The following HDGFL1 variants were observed in gnomAD, a reference collection of about 807,000 sequenced individuals.
The protein encoded by HDGFL1 is hepatoma-derived growth factor-like protein 1.
For synonymous variants in HDGFL1, 190 were observed against 165.1 expected (o/e 1.15, Z -1.16); for missense variants, 422 against 365.3 (o/e 1.16, Z -1.27).
At position 22,569,667 on chromosome 6, in the gene HDGFL1, A is replaced by G. The variant is rs760066425; in HGVS notation, c.92A>G (p.His31Arg). The part of the protein sequence containing the change: ...GYAHWPARIE[H>R]MTQPNRYQVF... ...GCCCACTGGCCGGCGAGGATAGAGC[A>G]CATGACCCAGCCCAACCGCTACCAG... Residue 31 changes from histidine to arginine, a missense_variant, in exon 1 of 1, where the codon CAC (histidine) becomes CGC (arginine). Physicochemically the swap from His to Arg is conservative, Grantham distance 29. Coordinates refer to ENST00000510882, the MANE Select transcript of HDGFL1 (RefSeq NM_138574.4). 4 of 1,614,060 alleles carry G rather than the reference A, an allele frequency of 2.5e-6. No homozygotes were observed. The highest frequency in any genetic ancestry group is 3.4e-6 in the Non-Finnish European group (4 of 1,180,034).
chr6:22,570,076 A>AGAG lies in HDGFL1; in HGVS notation c.509_511dup (p.Glu170dup). 1 of 1,541,148 alleles carries AGAG rather than the reference A, an allele frequency of 6.5e-7. No individual in the cohort carries two copies. Among genetic ancestry groups the AGAG allele is most frequent in the Non-Finnish European group, 8.7e-7 (1 of 1,144,168 alleles). ...GACCCAAGGAGGCAGCCCCCGACCA[A>AGAG]GAGGAGGAGGCGGAGGCGGAGAGGG... is the stretch of plus-strand genomic sequence containing the variant. On this transcript the variant is annotated inframe_insertion, in exon 1 of 1. Transcript: ENST00000510882.
rs1487149445 is a variant in HDGFL1, at chr6:22,570,287, T to C, written c.712T>C (p.Trp238Arg). The C allele has an allele frequency of 6.0e-6, 9 of 1,509,216 alleles. No homozygotes were observed. Among genetic ancestry groups the C allele is most frequent in the Non-Finnish European group, 7.9e-6 (9 of 1,135,790 alleles). 93.5% of individuals were successfully genotyped at this position (1,509,216 alleles called of 1,614,324 possible). A position where few individuals can be genotyped will look rare whatever the true frequency, so the allele number is the denominator to read the frequency against. The part of the protein sequence containing the change: ...EVADEEASQE[W>R]HAEAPGGGDR... The stretch of plus-strand genomic sequence containing the variant: ...CGCGGACGAGGAGGCCTCCCAGGAG[T>C]GGCATGCCGAGGCACCGGGCGGCGG... Residue 238 changes from tryptophan to arginine, a missense_variant, in exon 1 of 1, where the codon TGG becomes CGG. Transcript: ENST00000510882.
the HDGFL1 span, chr6:22,570,171 T>TG: frequency 6.4e-7 from 1 of 1,560,088 alleles, no homozygotes; most frequent in Non-Finnish European, 8.6e-7. Context: ...CCGTTCCTCG[T>TG]GGCGGTGGAG....
chr6:22,570,060 A>C lies in HDGFL1; in HGVS notation c.485A>C (p.Glu162Ala). The C allele has an allele frequency of 1.9e-6, 3 of 1,545,432 alleles. No homozygotes were observed. The highest frequency in any genetic ancestry group is 2.6e-6 in the Non-Finnish European group (3 of 1,145,382). Reference protein sequence around the residue: ...PPEDAPKRPKEAAPDQEEEAE... With the variant: ...PPEDAPKRPKAAAPDQEEEAE... The stretch of plus-strand genomic sequence containing the variant: ...GAGGACGCCCCCAAACGACCCAAGG[A>C]GGCAGCCCCCGACCAAGAGGAGGAG... The change falls in exon 1 of 1, where the codon GAG (glutamate) becomes GCG (alanine). Residue 162 changes from glutamate (E) to alanine (A), a missense_variant. By Grantham distance (107) the Glu-to-Ala change is moderately radical. Coordinates refer to ENST00000510882, the MANE Select transcript of HDGFL1 (RefSeq NM_138574.4).
In HDGFL1 at chr6:22,570,510, T is replaced by C; in HGVS notation, c.*179T>C. ...GATGGCAGGCCACCTGACTCTCACC[T>C]CTGTGCCCCCACGCCTCTGTGATCT... is the stretch of plus-strand genomic sequence containing the variant. On this transcript the variant is annotated 3_prime_UTR_variant, in exon 1 of 1. Coordinates refer to ENST00000510882, the MANE Select transcript of HDGFL1 (RefSeq NM_138574.4). The C allele has an allele frequency of 1.9e-6, 1 of 519,486 alleles. No individual in the cohort carries two copies. 32.2% of individuals were successfully genotyped at this position (519,486 alleles called of 1,614,324 possible). A position where few individuals can be genotyped will look rare whatever the true frequency, so the allele number is the denominator to read the frequency against.
chr6:22,570,792 AGCAGAGGGCACTT>A lies in HDGFL1; in HGVS notation c.*466_*478del, dbSNP rs1760912355. On this transcript the variant is annotated 3_prime_UTR_variant, in exon 1 of 1. Transcript: ENST00000510882. ...GGAGTGAAAGGCCTGGCAGATAAAG[AGCAGAGGGCACTT>A]GCAGGGCCTGGGATGAGCAGTCTTC... is the stretch of plus-strand genomic sequence containing the variant. The A allele has an allele frequency of 5.8e-6, 1 of 172,840 alleles. No individual in the cohort carries two copies. The highest frequency in any genetic ancestry group is 6.5e-5 in the Admixed American group (1 of 15,388). 10.7% of individuals were successfully genotyped at this position (172,840 alleles called of 1,614,324 possible). A position where few individuals can be genotyped will look rare whatever the true frequency, so the allele number is the denominator to read the frequency against.
rs1368219086 is a variant in HDGFL1 at position 22,570,887 on chromosome 6, C to G, written c.*556C>G. The G allele has an allele frequency of 6.0e-6, 1 of 167,398 alleles. No individual in the cohort carries two copies. Among genetic ancestry groups the G allele is most frequent in the Admixed American group, 6.5e-5 (1 of 15,288 alleles). The allele number at this position is 167,398 out of a possible 1,614,324, so 10.4% of individuals were successfully genotyped here. On this transcript the variant is annotated 3_prime_UTR_variant, in exon 1 of 1. Transcript: ENST00000510882. The stretch of plus-strand genomic sequence containing the variant: ...CATCTTCCTGAGCTCCTGTCCATGC[C>G]TGCCATACCTGCCAGCTTCAGACAT...
Position 22,570,453 on chromosome 6 carries a change from A to T in HDGFL1, c.*122A>T, listed in dbSNP as rs1760905497. On this transcript the variant is annotated 3_prime_UTR_variant, in exon 1 of 1. Transcript: ENST00000510882. The stretch of plus-strand genomic sequence containing the variant: ...CCCTCTCCTCAGCCCGTCCTCCTCC[A>T]ACCCGCGCTCCTTTGCCCTGCCGGG... 9.2e-7 allele frequency: 1 copy of T among 1,084,516 alleles called. No homozygotes were observed. Among genetic ancestry groups the T allele is most frequent in the Non-Finnish European group, 1.2e-6 (1 of 803,988 alleles). The allele number at this position is 1,084,516 out of a possible 1,614,324, so 67.2% of individuals were successfully genotyped here.
chr6:22,569,844 C>G lies in HDGFL1; in HGVS notation c.269C>G (p.Ala90Gly). ...WEIENNPTVQ[A>G]SDCPLASEKG... ...ATCGAGAACAACCCCACGGTCCAGG[C>G]CTCCGACTGCCCATTAGCCTCAGAG... The change falls in exon 1 of 1, where the codon GCC becomes GGC. Residue 90 changes from alanine to glycine, a missense_variant. Ala to Gly is a moderately conservative substitution (Grantham distance 60). Coordinates refer to ENST00000510882, the MANE Select transcript of HDGFL1 (RefSeq NM_138574.4). The G allele has an allele frequency of 6.2e-7, 1 of 1,605,490 alleles. No homozygotes were observed. The highest frequency in any genetic ancestry group is 8.5e-7 in the Non-Finnish European group (1 of 1,176,036).
Position 22,570,241 on chromosome 6 carries a change from G to C in HDGFL1, c.666G>C (p.Glu222Asp). Residue 222 changes from glutamate to aspartate, a missense_variant, in exon 1 of 1, where the codon GAG becomes GAC. Physicochemically the swap from Glu to Asp is conservative, Grantham distance 45. Transcript: ENST00000510882. ...GCGAGCCGCCTCAGCCAGAGGAGGA[G>C]GAGCTCCGGGAGGAAGAAGTCGCGG... ...LVCEPPQPEE[E>D]ELREEEVADE... is the part of the protein sequence containing the mutation. The C allele has an allele frequency of 5.1e-6, 8 of 1,557,946 alleles. No individual in the cohort carries two copies. The highest frequency in any genetic ancestry group is 6.9e-6 in the Non-Finnish European group (8 of 1,158,286).
At position 22,570,109 on chromosome 6, in the gene HDGFL1, A is replaced by AGCGGAGAGGGCGGCGGCGGCG. The variant is rs1554132070; in HGVS notation, c.539_559dup (p.Glu180_Ala186dup). 6.5e-7 allele frequency: 1 copy of AGCGGAGAGGGCGGCGGCGGCG among 1,533,812 alleles called. No homozygotes were observed. Among genetic ancestry groups the AGCGGAGAGGGCGGCGGCGGCG allele is most frequent in the Non-Finnish European group, 8.8e-7 (1 of 1,140,626 alleles). ...AGGCGGAGGCGGAGAGGGCGGCGGA[A>AGCGGAGAGGGCGGCGGCGGCG]GCGGAGAGGGCGGCGGCGGCGGCGG... is the stretch of plus-strand genomic sequence containing the variant. On this transcript the variant is annotated inframe_insertion, in exon 1 of 1. Coordinates refer to ENST00000510882, the MANE Select transcript of HDGFL1 (RefSeq NM_138574.4).
In HDGFL1 at chr6:22,569,861, G is replaced by A. The variant is rs1760883066; in HGVS notation, c.286G>A (p.Ala96Thr). 2 of 1,598,600 alleles carry A rather than the reference G, an allele frequency of 1.3e-6. No homozygotes were observed. The highest frequency in any genetic ancestry group is 1.7e-6 in the Non-Finnish European group (2 of 1,172,632). ...PTVQASDCPLASEKGSGDGPW... is the reference protein window; with the variant it reads ...PTVQASDCPLTSEKGSGDGPW... ...GGTCCAGGCCTCCGACTGCCCATTAGCCTCAGAGAAGGGCAGCGGAGACGG... is the reference window on the plus strand; with the variant it reads ...GGTCCAGGCCTCCGACTGCCCATTAACCTCAGAGAAGGGCAGCGGAGACGG... The change falls in exon 1 of 1, where the codon GCC becomes ACC. Residue 96 changes from alanine (A) to threonine (T), a missense_variant. Coordinates refer to ENST00000510882, the MANE Select transcript of HDGFL1 (RefSeq NM_138574.4).
In HDGFL1 at chr6:22,570,343, TC is replaced by T; in HGVS notation, c.*14del. 1.4e-6 allele frequency: 2 copies of T among 1,447,980 alleles called. No homozygotes were observed. Among genetic ancestry groups the T allele is most frequent in the South Asian group, 3.0e-5 (2 of 67,430 alleles). 89.7% of individuals were successfully genotyped at this position (1,447,980 alleles called of 1,614,324 possible). The stretch of plus-strand genomic sequence containing the variant: ...GCGACAGCCTGTAGTTACCAGCGTT[TC>T]CAGAAGAGCCCCTGCCCCGTTCCTG... On this transcript the variant is annotated 3_prime_UTR_variant, in exon 1 of 1. Transcript: ENST00000510882.
Position 22,569,921 on chromosome 6 carries a change from G to C in HDGFL1, c.346G>C (p.Glu116Gln), listed in dbSNP as rs1338706258. 1 of 1,554,950 alleles carries C rather than the reference G, an allele frequency of 6.4e-7. No homozygotes were observed. Among genetic ancestry groups the C allele is most frequent in the Non-Finnish European group, 8.7e-7 (1 of 1,149,900 alleles). ...GGAGCCCGAGGCCGCAGAGGGCGAC[G>C]AGGACAAGCCGACCCACGCTGGTGG... ...WPEPEAAEGD[E>Q]DKPTHAGGGG... Residue 116 changes from glutamate to glutamine, a missense_variant, in exon 1 of 1, where the codon GAG becomes CAG. Transcript: ENST00000510882.
At position 22,569,821 on chromosome 6, in the gene HDGFL1, C is replaced by A. The variant is rs368675343; in HGVS notation, c.246C>A (p.Ile82=). 2 of 1,612,614 alleles carry A rather than the reference C, an allele frequency of 1.2e-6. No individual in the cohort carries two copies. Among genetic ancestry groups the A allele is most frequent in the Non-Finnish European group, 1.7e-6 (2 of 1,179,414 alleles). Reference sequence around the variant, plus strand: ...GCTTCAGCGCGGGGCTGTGGGAAATCGAGAACAACCCCACGGTCCAGGCCT... The same window carrying A: ...GCTTCAGCGCGGGGCTGTGGGAAATAGAGAACAACCCCACGGTCCAGGCCT... ...RRGFSAGLWE[I]ENNPTVQASD... The change falls in exon 1 of 1, where the codon ATC becomes ATA. Residue 82 remains isoleucine, a synonymous_variant. Transcript: ENST00000510882.
In HDGFL1 at chr6:22,569,875, C is replaced by G. The variant is rs763767549; in HGVS notation, c.300C>G (p.Gly100=). 5 of 1,584,452 alleles carry G rather than the reference C, an allele frequency of 3.2e-6. No homozygotes were observed. The highest frequency in any genetic ancestry group is 4.3e-6 in the Non-Finnish European group (5 of 1,165,572). ...ASDCPLASEK[G]SGDGPWPEPE... ...ACTGCCCATTAGCCTCAGAGAAGGG[C>G]AGCGGAGACGGGCCTTGGCCGGAGC... Residue 100 remains glycine (G), a synonymous_variant, in exon 1 of 1, where the codon GGC becomes GGG. Coordinates refer to ENST00000510882, the MANE Select transcript of HDGFL1 (RefSeq NM_138574.4).
Position 22,569,684 on chromosome 6 carries a change from C to T in HDGFL1, c.109C>T (p.Arg37Cys), listed in dbSNP as rs766062263. 1.2e-6 allele frequency: 2 copies of T among 1,614,172 alleles called. No individual in the cohort carries two copies. The highest frequency in any genetic ancestry group is 3.3e-5 in the Admixed American group (2 of 60,036). The change falls in exon 1 of 1, where the codon CGC becomes TGC. Residue 37 changes from arginine to cysteine, a missense_variant. Coordinates refer to ENST00000510882, the MANE Select transcript of HDGFL1 (RefSeq NM_138574.4). Reference sequence around the variant, plus strand: ...GATAGAGCACATGACCCAGCCCAACCGCTACCAGGTGTTTTTCTTCGGGAC... The same window carrying T: ...GATAGAGCACATGACCCAGCCCAACTGCTACCAGGTGTTTTTCTTCGGGAC... ...ARIEHMTQPNRYQVFFFGTHE... is the reference protein window; with the variant it reads ...ARIEHMTQPNCYQVFFFGTHE...
Position 22,569,949 on chromosome 6 carries a change from G to T in HDGFL1, c.374G>T (p.Gly125Val). 1 of 1,551,596 alleles carries T rather than the reference G, an allele frequency of 6.4e-7. No individual in the cohort carries two copies. Among genetic ancestry groups the T allele is most frequent in the South Asian group, 1.2e-5 (1 of 84,300 alleles). Residue 125 changes from glycine to valine, a missense_variant, in exon 1 of 1, where the codon GGC becomes GTC. By Grantham distance (109) the Gly-to-Val change is moderately radical (BLOSUM62 -3). Transcript: ENST00000510882. ...DEDKPTHAGG[G>V]GDELGKPDDD... is the part of the protein sequence containing the mutation. ...GACAAGCCGACCCACGCTGGTGGCG[G>T]CGGCGACGAATTGGGGAAGCCGGAC...
Position 22,570,479 on chromosome 6 carries a change from C to A in HDGFL1, c.*148C>A, listed in dbSNP as rs1473439211. ...ACCCGCGCTCCTTTGCCCTGCCGGG[C>A]CCCAGGATGGCAGGCCACCTGACTC... On this transcript the variant is annotated 3_prime_UTR_variant, in exon 1 of 1. Transcript: ENST00000510882. 1 of 800,810 alleles carries A rather than the reference C, an allele frequency of 1.2e-6. No homozygotes were observed. Among genetic ancestry groups the A allele is most frequent in the Non-Finnish European group, 1.8e-6 (1 of 560,206 alleles). 49.6% of individuals were successfully genotyped at this position (800,810 alleles called of 1,614,324 possible).
Sources: allele counts gnomAD v4.1 joint callset, GRCh38; gene constraint gnomAD v4.1.1; transcripts MANE v1.5; gene names NCBI Gene and HGNC (gene_info 2026-07-23, HGNC 2026-07-21).